DENND1A: variants seen among roughly 807,000 people sequenced by gnomAD.
DENND1A encodes the protein DENN domain containing 1A.
DENND1A carries 51 observed loss-of-function variants against 113.7 expected under a neutral mutation model. The observed-to-expected ratio is 0.45, with a 90% CI of 0.36 to 0.57. DENND1A has a LOEUF of 0.57. Among genes scored for constraint, DENND1A ranks in the 20% least tolerant of loss-of-function variants. The probability of loss-of-function intolerance (pLI) is 0.00; values close to 1 mark genes in which losing one functional copy is unlikely to be tolerated. For missense variants in DENND1A, 1,258 were observed against 1,395.9 expected (o/e 0.90, Z 1.57); for synonymous variants, 565 against 570.8 (o/e 0.99, Z 0.14).
At chr9:123,538,128 T>C (rs1004436996) in intron 13 of DENND1A, among the ~76,000 whole-genome samples, 2 of 152,210 alleles carry the variant, frequency 1.3e-5, no homozygotes, top group African/African-American at 2.4e-5. Context: ...CTCATGGTAG[T>C]ATGTGTATTA....
intron 2 of DENND1A, among the ~76,000 whole-genome samples, chr9:123,830,502 A>C (rs1840010041): frequency 1.3e-5 from 2 of 151,956 alleles, no homozygotes; most frequent in Admixed American, 1.3e-4. Flanking sequence ...CAATCAAAAA[A>C]CTCAATTAAA....
intron 13 of DENND1A, among the ~76,000 whole-genome samples, chr9:123,544,342 A>C (rs1256106405): frequency 6.6e-6 from 1 of 152,266 alleles, no homozygotes; most frequent in Non-Finnish European, 1.5e-5. Context: ...AAGATATATA[A>C]AATTTTGACA....
chr9:123,913,989 T>C (rs540727198), intron 1 of DENND1A, among the ~76,000 whole-genome samples: 2 of 151,072 alleles, frequency 1.3e-5, no homozygotes, highest in Admixed American at 1.3e-4. Context: ...AGTGCAGACA[T>C]GGTCAGGTCC....
chr9:123,831,390 T>G (rs1034372222), intron 2 of DENND1A, among the ~76,000 whole-genome samples: 7 of 152,156 alleles, frequency 4.6e-5, no homozygotes, highest in Non-Finnish European at 7.4e-5. Context: ...TTATATCAAT[T>G]CAATGAAATC....
Position 123,452,259 on chromosome 9 carries a change from G to A in DENND1A, c.1299+17C>T. On this transcript the variant is annotated intron_variant, in intron 17 of 23. Coordinates refer to ENST00000394215, the MANE Select transcript of DENND1A (RefSeq NM_001352964.2). ...GACTGATCTGTTTTGGCTCCTGACAGCAAGACCAGTACTTACGAACTTGTA... is the reference window on the plus strand; with the variant it reads ...GACTGATCTGTTTTGGCTCCTGACAACAAGACCAGTACTTACGAACTTGTA... The A allele has an allele frequency of 3.7e-6, 6 of 1,613,320 alleles. No individual in the cohort carries two copies. Among genetic ancestry groups the A allele is most frequent in the Non-Finnish European group, 5.1e-6 (6 of 1,179,246 alleles).
rs138435785 is a variant in DENND1A, at chr9:123,457,438, A to G, written c.1099-3T>C. ...AGATCTAATCGACCATCAATAAACT[A>G]TAGAAAGAAGGAACAAAAGCACAAC... is the stretch of plus-strand genomic sequence containing the variant. On this transcript the variant is annotated splice_region_variant and splice_polypyrimidine_tract_variant and intron_variant, in intron 14 of 23. Transcript: ENST00000394215. 193 of 1,612,196 alleles carry G rather than the reference A, an allele frequency of 1.2e-4. No individual in the cohort carries two copies. Among genetic ancestry groups the G allele is most frequent in the Admixed American group, 3.0e-4 (18 of 60,018 alleles).
At chr9:123,464,896 C>A (rs969928557) in intron 13 of DENND1A, among the ~76,000 whole-genome samples, 4 of 150,682 alleles carry the variant, frequency 2.7e-5, no homozygotes, top group Non-Finnish European at 5.9e-5. Context: ...TGCCTGTAAT[C>A]CCAGCACTGT....
intron 21 of DENND1A, among the ~76,000 whole-genome samples, chr9:123,389,512 G>T (rs952186467): frequency 2.0e-5 from 3 of 152,150 alleles, no homozygotes; most frequent in Non-Finnish European, 4.4e-5. Context: ...TCGGGGCCAG[G>T]GCACCACCTG....
At chr9:123,409,993 G>A (rs747630155) in intron 20 of DENND1A, among the ~76,000 whole-genome samples, 1 of 152,218 alleles carries the variant, frequency 6.6e-6, no homozygotes, top group African/African-American at 2.4e-5. Context: ...TCAGGAGGCT[G>A]AGGCAGGAAA....
chr9:123,428,171 G>A (rs769620031), intron 19 of DENND1A, among the ~76,000 whole-genome samples: 2 of 152,116 alleles, frequency 1.3e-5, no homozygotes, highest in African/African-American at 4.8e-5. Context: ...AAGCCAAAAC[G>A]AATCCAGCAG....
intron 2 of DENND1A, among the ~76,000 whole-genome samples, chr9:123,812,797 G>A (rs995615888): frequency 6.6e-6 from 1 of 150,896 alleles, no homozygotes; most frequent in Admixed American, 6.6e-5. Flanking sequence ...TCTTTCTTTC[G>A]AGTACCTTAT....
At chr9:123,550,550 C>A (rs1026848293) in intron 13 of DENND1A, among the ~76,000 whole-genome samples, 1 of 152,146 alleles carries the variant, frequency 6.6e-6, no homozygotes, top group Admixed American at 6.5e-5. Flanking sequence ...TCACATGCAC[C>A]GTCATGCAGC....
chr9:123,576,609 C>A (rs766606449), intron 12 of DENND1A, among the ~76,000 whole-genome samples: 33 of 152,248 alleles, frequency 2.2e-4, no homozygotes, highest in Non-Finnish European at 3.4e-4. Flanking sequence ...AGCGATTCTG[C>A]CACCTCAGCC....
chr9:123,879,553 T>TACACAC (rs138124573), intron 1 of DENND1A, among the ~76,000 whole-genome samples: 1 of 149,996 alleles, frequency 6.7e-6, no homozygotes, highest in Non-Finnish European at 1.5e-5. Context: ...AATAAAATTA[T>TACACAC]ACACACACAC....
At chr9:123,922,153 C>T (rs1012430834) in intron 1 of DENND1A, among the ~76,000 whole-genome samples, 3 of 152,126 alleles carry the variant, frequency 2.0e-5, no homozygotes, top group African/African-American at 7.2e-5. Context: ...ATGCTGGTCT[C>T]AACTTCCTGG....
At chr9:123,494,408 G>A (rs946508941) in intron 13 of DENND1A, among the ~76,000 whole-genome samples, 2 of 152,138 alleles carry the variant, frequency 1.3e-5, no homozygotes, top group Non-Finnish European at 1.5e-5. Flanking sequence ...GTGGGGGTAC[G>A]TCAGTTTCAT....
At chr9:123,714,324 G>A (rs1030069882) in intron 5 of DENND1A, among the ~76,000 whole-genome samples, 20 of 152,296 alleles carry the variant, frequency 1.3e-4, no homozygotes, top group African/African-American at 3.4e-4. Context: ...AGCATTGGCC[G>A]GGTGCAATGG....
chr9:123,511,131 C>G (rs181958660), intron 13 of DENND1A, among the ~76,000 whole-genome samples: 62 of 152,306 alleles, frequency 4.1e-4, no homozygotes, highest in African/African-American at 1.4e-3. Flanking sequence ...TATCCCCACT[C>G]CTAGGAAGAC....
intron 13 of DENND1A, among the ~76,000 whole-genome samples, chr9:123,545,052 C>T (rs537114177): frequency 4.0e-5 from 6 of 151,742 alleles, no homozygotes; most frequent in South Asian, 2.1e-4. Flanking sequence ...GAGCTGAGAT[C>T]GCGCCACTGT....
Sources: allele counts gnomAD v4.1 joint callset (sites outside exome capture counted in the v4.1 genomes callset), GRCh38; gene constraint gnomAD v4.1.1; transcripts MANE v1.5; gene names NCBI Gene and HGNC (gene_info 2026-07-23, HGNC 2026-07-21).